IFT80: variants seen among roughly 807,000 people sequenced by gnomAD.
IFT80 encodes the protein intraflagellar transport protein 80 homolog.
IFT80 carries 79 observed loss-of-function variants against 107.9 expected under a neutral mutation model. The observed-to-expected ratio is 0.73, with a 90% CI of 0.61 to 0.88. The LOEUF (loss-of-function observed/expected upper bound fraction) is 0.88. Ranked by LOEUF, IFT80 falls within the 40% of genes least tolerant of loss-of-function variation. The pLI is 0.00. For synonymous variants in IFT80, 299 were observed against 300.9 expected, an observed-to-expected ratio of 0.99 and a Z score of 0.07; for missense variants, 797 against 914.2, an observed-to-expected ratio of 0.87 and a Z score of 1.65.
intron 8 of IFT80, among the ~76,000 whole-genome samples, chr3:160,323,626 G>T (rs1718449311): frequency 6.6e-6 from 1 of 151,804 alleles, no homozygotes; most frequent in Non-Finnish European, 1.5e-5. Flanking sequence ...CACATTCAAA[G>T]CAGTGTGTAG....
intron 8 of IFT80, among the ~76,000 whole-genome samples, chr3:160,330,374 C>G (rs926669728): frequency 1.3e-5 from 2 of 152,174 alleles, no homozygotes; most frequent in Admixed American, 6.5e-5. Flanking sequence ...CTTACCAACT[C>G]GTCTGCTAAC....
intron 1 of IFT80, among the ~76,000 whole-genome samples, chr3:160,394,878 A>C (rs1310277391): frequency 6.6e-6 from 1 of 152,242 alleles, no homozygotes; most frequent in Non-Finnish European, 1.5e-5. Context: ...CTTTTGTGAA[A>C]AGAAAAAGTG....
chr3:160,285,806 T>C lies in IFT80; in HGVS notation c.1378A>G (p.Lys460Glu), dbSNP rs765887862. ...PLGDGKFLSH[K>E]NEILEIALDQ... ...TAGAAGTAGTTAATGTCCATTACCT[T>C]ATGAGAAAGAAACTTTCCATCACCT... The change falls in exon 13 of 20, where the codon AAG becomes GAG. Residue 460 changes from lysine to glutamate, a missense_variant and splice_region_variant. Physicochemically the swap from Lys to Glu is moderately conservative, Grantham distance 56 (BLOSUM62 1). Coordinates refer to ENST00000326448, the MANE Select transcript of IFT80 (RefSeq NM_020800.3). 4 of 1,600,630 alleles carry C rather than the reference T, an allele frequency of 2.5e-6. No individual in the cohort carries two copies. The highest frequency in any genetic ancestry group is 1.7e-5 in the Admixed American group (1 of 59,888).
At chr3:160,362,453 G>A (rs1301870824) in intron 6 of IFT80, among the ~76,000 whole-genome samples, 3 of 152,196 alleles carry the variant, frequency 2.0e-5, no homozygotes, top group Non-Finnish European at 2.9e-5. Flanking sequence ...AAGAGGAGCT[G>A]GAACCATTCC....
intron 19 of IFT80, among the ~76,000 whole-genome samples, chr3:160,263,646 A>G (rs1311574562): frequency 6.6e-6 from 1 of 152,112 alleles, no homozygotes; most frequent in African/African-American, 2.4e-5. Context: ...TTTAGGAATC[A>G]GGATTTTATT....
At chr3:160,374,260 C>T (rs1711803673) in intron 5 of IFT80, among the ~76,000 whole-genome samples, 1 of 149,184 alleles carries the variant, frequency 6.7e-6, no homozygotes, top group Non-Finnish European at 1.5e-5. Context: ...AGCCTGGGAA[C>T]ATGGCAAAAT....
intron 6 of IFT80, among the ~76,000 whole-genome samples, chr3:160,361,246 C>A (rs1477949678): frequency 6.6e-6 from 1 of 152,152 alleles, no homozygotes; most frequent in Non-Finnish European, 1.5e-5. Context: ...GTTAAACAGA[C>A]TTTAAACCAA....
At chr3:160,295,536 T>C (rs1715908308) in intron 12 of IFT80, among the ~76,000 whole-genome samples, 3 of 151,890 alleles carry the variant, frequency 2.0e-5, no homozygotes, top group African/African-American at 7.3e-5. Context: ...GAGCCCACGA[T>C]GTTGAGGCTG....
intron 1 of IFT80, among the ~76,000 whole-genome samples, chr3:160,395,928 T>C (rs1713741311): frequency 6.6e-6 from 1 of 152,170 alleles, no homozygotes; most frequent in Non-Finnish European, 1.5e-5. Context: ...CTTCTTACAT[T>C]CTAAAAATGA....
intron 9 of IFT80, among the ~76,000 whole-genome samples, chr3:160,316,215 C>T (rs1212495691): frequency 6.6e-6 from 1 of 152,116 alleles, no homozygotes; most frequent in Non-Finnish European, 1.5e-5. Flanking sequence ...AGGCCACATA[C>T]AAAGAACTGA....
intron 6 of IFT80, among the ~76,000 whole-genome samples, chr3:160,364,023 T>C (rs1559962316): frequency 6.6e-6 from 1 of 151,556 alleles, no homozygotes; most frequent in African/African-American, 2.4e-5. Flanking sequence ...CTAATTAAAC[T>C]AGAGCTTCTG....
At chr3:160,367,134 A>C (rs908123259) in intron 5 of IFT80, among the ~76,000 whole-genome samples, 1 of 151,912 alleles carries the variant, frequency 6.6e-6, no homozygotes, top group Non-Finnish European at 1.5e-5. Context: ...GCTGAATAGT[A>C]CTCCACTGTA....
intron 10 of IFT80, 87 bp downstream of exon 10, chr3:160,307,575 CA>C: frequency 2.4e-6 from 2 of 822,392 alleles, no homozygotes; most frequent in Admixed American, 3.4e-5. Context: ...AAGCTTAAAC[CA>C]AACCACGCTG....
intron 8 of IFT80, among the ~76,000 whole-genome samples, chr3:160,340,815 C>A (rs28599984): frequency 0.017 from 2,634 of 152,274 alleles, 31 homozygotes; most frequent in Middle Eastern, 0.095. Flanking sequence ...TGCAAAGTTC[C>A]TTTTGCCATA....
intron 5 of IFT80, among the ~76,000 whole-genome samples, chr3:160,375,548 T>A (rs1711947105): frequency 6.6e-6 from 1 of 152,116 alleles, no homozygotes; most frequent in Admixed American, 6.6e-5. Context: ...ATTTAGCTTG[T>A]AACTGCCTTT....
At position 160,292,502 on chromosome 3, in the gene IFT80, C is replaced by T. The variant is rs776420580; in HGVS notation, c.1316-6634G>A. On this transcript the variant is annotated intron_variant, in intron 12 of 19. Coordinates refer to ENST00000326448, the MANE Select transcript of IFT80 (RefSeq NM_020800.3). ...TTTTTTTTTTTTTTTTTTTTTGAGA[C>T]GGAGTCTCGCTCTGTCACCCAGGCT... Among the ~76,000 whole-genome samples the T allele has an allele frequency of 2.9e-3, 339 of 118,674 alleles. 2 individuals are homozygous for T. The highest frequency in any genetic ancestry group is 4.4e-3 in the Admixed American group (43 of 9,708). The allele number at this position is 118,674 out of a possible 152,430, so 77.9% of individuals were successfully genotyped here.
chr3:160,359,551 C>T (rs757552181), intron 6 of IFT80, among the ~76,000 whole-genome samples: 5 of 152,100 alleles, frequency 3.3e-5, no homozygotes, highest in Admixed American at 6.6e-5. Flanking sequence ...CCTTGACCCC[C>T]GTGTAGCCTA....
chr3:160,260,169 A>C (rs986373110), intron 19 of IFT80, among the ~76,000 whole-genome samples: 4 of 152,220 alleles, frequency 2.6e-5, no homozygotes, highest in Non-Finnish European at 4.4e-5. Flanking sequence ...ATACTTATGT[A>C]TAATACATAA....
chr3:160,335,483 A>G (rs1444669266), intron 8 of IFT80, among the ~76,000 whole-genome samples: 2 of 152,038 alleles, frequency 1.3e-5, no homozygotes, highest in Non-Finnish European at 2.9e-5. Context: ...CGGCCTCCCA[A>G]AGTGCTGGGA....
Sources: gnomAD v4.1 joint callset for allele counts (sites outside exome capture counted in the v4.1 genomes callset) on GRCh38, gnomAD v4.1.1 for gene constraint, MANE v1.5 for transcripts, NCBI Gene and HGNC (gene_info 2026-07-23, HGNC 2026-07-21) for gene names.